The following STXBP5 variants were observed in gnomAD, a reference collection of about 807,000 sequenced individuals.
The protein encoded by STXBP5 is syntaxin binding protein 5.
A neutral mutation model predicts 152.4 loss-of-function variants in STXBP5; 50 were observed. That is an observed-to-expected ratio of 0.33 (90% confidence interval 0.26 to 0.42). STXBP5 has a LOEUF of 0.42. Ranked by LOEUF, STXBP5 falls within the 10% of genes least tolerant of loss-of-function variation. The probability of loss-of-function intolerance (pLI) is 1.00; values close to 1 mark genes in which losing one functional copy is unlikely to be tolerated. For missense variants in STXBP5, 1,167 were observed against 1,388.6 expected, an observed-to-expected ratio of 0.84 and a Z score of 2.54; for synonymous variants, 492 against 494.7, an observed-to-expected ratio of 0.99 and a Z score of 0.07.
At chr6:147,219,556 G>C (rs896897141) in intron 2 of STXBP5, among the ~76,000 whole-genome samples, 2 of 152,100 alleles carry the variant, frequency 1.3e-5, no homozygotes, top group African/African-American at 4.8e-5. Context: ...AATTGATTCA[G>C]TTTCTTTAAT....
At chr6:147,326,678 G>C (rs1015436927) in intron 17 of STXBP5, among the ~76,000 whole-genome samples, 1 of 152,064 alleles carries the variant, frequency 6.6e-6, no homozygotes, top group African/African-American at 2.4e-5. Flanking sequence ...ACCCCAAAGG[G>C]CCTCCAAGAT....
intron 18 of STXBP5, among the ~76,000 whole-genome samples, chr6:147,328,084 G>A (rs892380109): frequency 1.3e-5 from 2 of 152,178 alleles, no homozygotes; most frequent in Non-Finnish European, 2.9e-5. Flanking sequence ...ATGTTTGCTA[G>A]GTAATTAGTC....
intron 25 of STXBP5, among the ~76,000 whole-genome samples, chr6:147,365,098 T>C (rs939895905): frequency 6.6e-6 from 1 of 151,830 alleles, no homozygotes; most frequent in Non-Finnish European, 1.5e-5. Flanking sequence ...GTGCCCCTGG[T>C]ACAGAGGGTG....
intron 25 of STXBP5, among the ~76,000 whole-genome samples, chr6:147,373,482 G>A (rs1186593542): frequency 6.6e-6 from 1 of 151,148 alleles, no homozygotes; most frequent in Admixed American, 6.6e-5. Context: ...ACACTCTTAA[G>A]CAAAAATACT....
intron 22 of STXBP5, 25 bp downstream of exon 22, chr6:147,353,398 A>C: frequency 6.8e-7 from 1 of 1,480,710 alleles, no homozygotes; most frequent in Non-Finnish European, 9.2e-7. Flanking sequence ...TATTCAAAAT[A>C]ATTTAACTCC....
intron 18 of STXBP5, among the ~76,000 whole-genome samples, 164 bp downstream of exon 18, chr6:147,327,440 C>T (rs1783322497): frequency 6.6e-6 from 1 of 151,974 alleles, no homozygotes; most frequent in African/African-American, 2.4e-5. Context: ...TTTTTGTTTT[C>T]TATAGTTGTG....
intron 2 of STXBP5, among the ~76,000 whole-genome samples, chr6:147,217,453 T>TA (rs1331995204): frequency 2.0e-5 from 3 of 152,236 alleles, no homozygotes; most frequent in Non-Finnish European, 2.9e-5. Context: ...ACGTAGTAAA[T>TA]AGTAGTTTGA....
intron 3 of STXBP5, among the ~76,000 whole-genome samples, chr6:147,237,462 C>T (rs923533625): frequency 6.6e-6 from 1 of 152,150 alleles, no homozygotes; most frequent in Admixed American, 6.5e-5. Context: ...GTCTTCTCTT[C>T]TTCCTTGAGA....
At chr6:147,311,995 T>C (rs1299699718) in intron 11 of STXBP5, among the ~76,000 whole-genome samples, 1 of 152,188 alleles carries the variant, frequency 6.6e-6, no homozygotes, top group Non-Finnish European at 1.5e-5. Flanking sequence ...AAACATCTGC[T>C]ACTCCAAACA....
Position 147,315,564 on chromosome 6 carries a change from G to C in STXBP5, c.1452G>C (p.Lys484Asn). ...YKLKTSKVFE[K>N]SRNKDDRPNT... is the part of the protein sequence containing the mutation. ...TAAAGACATCTAAAGTATTTGAAAA[G>C]TCAAGAAATAAAGATGACAGGCCAA... Residue 484 changes from lysine (K) to asparagine (N), a missense_variant, in exon 15 of 28, where the codon AAG (lysine) becomes AAC (asparagine). By Grantham distance (94) the Lys-to-Asn change is moderately conservative. This residue lies in a region of STXBP5 where 833 missense variants were observed against 986.3 expected (regional missense o/e 0.84). Coordinates refer to ENST00000321680, the MANE Select transcript of STXBP5 (RefSeq NM_001127715.4). The C allele has an allele frequency of 6.2e-7, 1 of 1,613,642 alleles. No individual in the cohort carries two copies. The highest frequency in any genetic ancestry group is 8.5e-7 in the Non-Finnish European group (1 of 1,179,772).
chr6:147,375,563 C>T (rs1362975477), intron 26 of STXBP5, among the ~76,000 whole-genome samples: 6 of 151,260 alleles, frequency 4.0e-5, no homozygotes, highest in Admixed American at 2.0e-4. Context: ...GAAGATCTAA[C>T]ATAAGTTTAG....
chr6:147,357,880 A>G lies in STXBP5; in HGVS notation c.2306-1204A>G, dbSNP rs368176121. On this transcript the variant is annotated intron_variant, in intron 22 of 27. Transcript: ENST00000321680. ...ATGGTTTGGTTTTGCATAGTGAGACATAACTGGAAAAAAGTCAAAGAAGTA... is the reference window on the plus strand; with the variant it reads ...ATGGTTTGGTTTTGCATAGTGAGACGTAACTGGAAAAAAGTCAAAGAAGTA... Among the ~76,000 whole-genome samples the G allele has an allele frequency of 5.9e-5, 9 of 152,296 alleles. No homozygotes were observed. In the South Asian group the frequency reaches 6.2e-4, roughly 11 times the overall value.
intron 19 of STXBP5, among the ~76,000 whole-genome samples, chr6:147,334,608 A>T (rs1052233545): frequency 6.6e-6 from 1 of 152,158 alleles, no homozygotes; most frequent in Non-Finnish European, 1.5e-5. Flanking sequence ...AATTAGAATA[A>T]TTATAGACTA....
chr6:147,378,548 C>G (rs1222937735), intron 26 of STXBP5, among the ~76,000 whole-genome samples: 1 of 151,812 alleles, frequency 6.6e-6, no homozygotes, highest in Non-Finnish European at 1.5e-5. Flanking sequence ...ACATAGTGCC[C>G]ACTATTAACA....
chr6:147,339,262 A>G (rs757479554), intron 20 of STXBP5, 24 bp downstream of exon 20: 1 of 1,511,332 alleles, frequency 6.6e-7, no homozygotes, highest in African/African-American at 1.4e-5. Context: ...ATTTTAAAGT[A>G]TTTTCTTTTA....
In STXBP5 at chr6:147,327,246, TCTC is replaced by T; in HGVS notation, c.2054_2056del (p.Pro685del). 2 of 1,613,232 alleles carry T rather than the reference TCTC, an allele frequency of 1.2e-6. No homozygotes were observed. Among genetic ancestry groups the T allele is most frequent in the East Asian group, 2.2e-5 (1 of 44,854 alleles). ...TGATCCTTATCGGAGAGAACCCCGA[TCTC>T]CTCGTAAATCTCGACAGCCTTCAGG... On this transcript the variant is annotated inframe_deletion, in exon 18 of 28. Coordinates refer to ENST00000321680, the MANE Select transcript of STXBP5 (RefSeq NM_001127715.4).
At chr6:147,210,782 A>C (rs1407703233) in intron 2 of STXBP5, among the ~76,000 whole-genome samples, 3 of 152,162 alleles carry the variant, frequency 2.0e-5, no homozygotes, top group African/African-American at 7.2e-5. Context: ...AGCTTTTACG[A>C]TCATGAAGGG....
intron 8 of STXBP5, among the ~76,000 whole-genome samples, chr6:147,279,952 A>G (rs1288338337): frequency 2.0e-5 from 3 of 152,082 alleles, no homozygotes; most frequent in Admixed American, 2.0e-4. Flanking sequence ...CAGCTTGAAG[A>G]TTATCTGTTT....
At chr6:147,382,246 A>G (rs1273628232) in intron 26 of STXBP5, among the ~76,000 whole-genome samples, 19 of 152,100 alleles carry the variant, frequency 1.2e-4, no homozygotes. Flanking sequence ...AATGGAGAAA[A>G]AGAAAAGAAT....
Sources: allele counts gnomAD v4.1 joint callset (sites outside exome capture counted in the v4.1 genomes callset), GRCh38; gene constraint gnomAD v4.1.1; regional missense constraint gnomAD v4.1.1; transcripts MANE v1.5; gene names NCBI Gene and HGNC (gene_info 2026-07-23, HGNC 2026-07-21).